Variants in ACTA2 observed in about 807,000 individuals in gnomAD.
ACTA2 encodes the protein actin alpha 2, smooth muscle, also known as actin, aortic smooth muscle.
In ACTA2, 12 loss-of-function variants were observed where a neutral mutation model predicts 39.5. The observed-to-expected ratio is 0.30, with a 90% CI of 0.19 to 0.49. The LOEUF (loss-of-function observed/expected upper bound fraction) is 0.49, where lower values mean the gene tolerates loss of function less well. Among genes scored for constraint, ACTA2 ranks in the 20% least tolerant of loss-of-function variants. The probability of loss-of-function intolerance (pLI) is 0.99; values close to 1 mark genes in which losing one functional copy is unlikely to be tolerated. For missense variants in ACTA2, 236 were observed against 498.8 expected (o/e 0.47, Z 5.02); for synonymous variants, 158 against 180.6 (o/e 0.88, Z 1.00).
intron 1 of ACTA2, among the ~76,000 whole-genome samples, chr10:88,987,836 T>C (rs982629745): frequency 1.3e-5 from 2 of 152,252 alleles, no homozygotes; most frequent in African/African-American, 4.8e-5. Flanking sequence ...TAGATGTTTC[T>C]GTAAAGCAAT....
intron 8 of ACTA2, chr10:88,935,667 A>C (rs945261342): frequency 5.5e-6 from 2 of 365,392 alleles, no homozygotes; most frequent in Non-Finnish European, 1.1e-5. Context: ...CCCCCACTTA[A>C]GAACCCTGGC....
intron 7 of ACTA2, 186 bp from the exon 8 acceptor site, chr10:88,938,428 T>TC: frequency 1.5e-6 from 1 of 653,632 alleles, no homozygotes; most frequent in Non-Finnish European, 2.7e-6. Flanking sequence ...CTGCCTGCCT[T>TC]CTAATGAGGA....
At chr10:88,936,595 T>TTGCCATGTGAGGTGTCTGCCCCTGCTTC (rs1845744421) in intron 8 of ACTA2, among the ~76,000 whole-genome samples, 16 of 138,542 alleles carry the variant, frequency 1.2e-4, no homozygotes, top group Non-Finnish European at 6.3e-5. Flanking sequence ...GCCCCTGCTT[T>TTGCCATGTGAGGTGTCTGCCCCTGCTTC]TGCCATGTGA....
At chr10:88,943,740 T>C (rs1198446458) in intron 4 of ACTA2, 57 bp downstream of exon 4, 1 of 1,458,638 alleles carries the variant, frequency 6.9e-7, no homozygotes, top group Middle Eastern at 1.7e-4. Flanking sequence ...CATAGCCTCC[T>C]TCTAACAGAA....
intron 1 of ACTA2, among the ~76,000 whole-genome samples, chr10:88,961,257 G>A (rs1378873424): frequency 6.6e-6 from 1 of 152,210 alleles, no homozygotes; most frequent in African/African-American, 2.4e-5. Flanking sequence ...TAGCAACACA[G>A]AGGACAGATT....
rs952092437 is a variant in ACTA2, at chr10:88,990,374, T to C, written c.-24+565A>G. On this transcript the variant is annotated intron_variant, in intron 1 of 4. Coordinates refer to the ACTA2 transcript ENST00000415557. The surrounding 1 kb of genome is among the most constrained non-coding windows in gnomAD (Gnocchi z 4.9). ...TTCAAGACCTCCCCAACTTCCCAGG[T>C]TGAACTACAGCAGAAGCCTTTAGAA... Among the ~76,000 whole-genome samples the C allele has an allele frequency of 1.3e-5, 2 of 152,082 alleles. No homozygotes were observed. Among genetic ancestry groups the C allele is most frequent in the African/African-American group, 2.4e-5 (1 of 41,420 alleles).
At chr10:88,941,193 T>C (rs1845840954) in intron 6 of ACTA2, 36 bp downstream of exon 6, 2 of 1,612,882 alleles carry the variant, frequency 1.2e-6, no homozygotes, top group East Asian at 2.2e-5. Flanking sequence ...AGCAACACAC[T>C]GCTCCCCTCT....
chr10:88,964,212 T>C (rs985671066), intron 1 of ACTA2, among the ~76,000 whole-genome samples: 2 of 152,260 alleles, frequency 1.3e-5, no homozygotes, highest in Middle Eastern at 3.4e-3. Context: ...CGAATTCTTA[T>C]CTGGAACCCC....
At chr10:88,955,034 G>A (rs7095848), upstream of ACTA2, among the ~76,000 whole-genome samples, 77,699 of 136,330 alleles carry the variant, frequency 0.57, 22,953 homozygotes, top group East Asian at 0.88. Flanking sequence ...AAAAAAAAAA[G>A]AAGAAGAAGG....
intron 2 of ACTA2, among the ~76,000 whole-genome samples, chr10:88,948,091 C>T (rs376334274): frequency 6.6e-6 from 1 of 152,108 alleles, no homozygotes; most frequent in Non-Finnish European, 1.5e-5. Context: ...CATAAAATAG[C>T]GGCTTGTGCA....
rs375741716 is a variant in ACTA2, at chr10:88,958,878, C to T, written c.-23-9925G>A. ...CTCGGGGGGAAGGGAGGATATGAGA[C>T]TTTCAGTGCCTTAAAAGTCCCAGGA... is the stretch of plus-strand genomic sequence containing the variant. On this transcript the variant is annotated intron_variant, in intron 1 of 4. Transcript: ENST00000415557. 4.2e-4 allele frequency among the ~76,000 whole-genome samples: 64 copies of T among 152,214 alleles called. 1 individual carries two copies. The South Asian group carries it at 0.011, about 26-fold the overall frequency.
intron 1 of ACTA2, among the ~76,000 whole-genome samples, chr10:88,976,757 AT>A (rs1333467490): frequency 1.3e-5 from 2 of 152,246 alleles, no homozygotes; most frequent in African/African-American, 4.8e-5. Context: ...GTTGAACAGA[AT>A]TTCTTGAAAG....
chr10:88,941,916 CA>C (rs1246665558), intron 4 of ACTA2, 47 bp from the exon 5 acceptor site: 1 of 1,547,792 alleles, frequency 6.5e-7, no homozygotes, highest in Admixed American at 1.8e-5. Flanking sequence ...GCCCATCTGA[CA>C]AAGAATGGTC....
chr10:88,948,591 G>A (rs1185621093), intron 2 of ACTA2: 2 of 588,884 alleles, frequency 3.4e-6, no homozygotes, highest in South Asian at 1.9e-5. Flanking sequence ...TGAAAAAGGG[G>A]CAGACTTTGT....
At chr10:88,981,102 C>T (rs1344006760) in intron 1 of ACTA2, among the ~76,000 whole-genome samples, 3 of 152,160 alleles carry the variant, frequency 2.0e-5, no homozygotes, top group African/African-American at 7.2e-5. Flanking sequence ...AAAGGGCAGG[C>T]CCAGCAATAT....
chr10:88,973,430 T>C (rs1846494169), intron 1 of ACTA2: 1 of 1,141,998 alleles, frequency 8.8e-7, no homozygotes, highest in African/African-American at 1.6e-5. Context: ...TGTTAGCCAT[T>C]ATCTCTGCCT....
upstream of ACTA2, among the ~76,000 whole-genome samples, chr10:88,952,945 C>T (rs918888560): frequency 6.6e-6 from 1 of 152,278 alleles, no homozygotes. Flanking sequence ...TGGGTCTCTT[C>T]CACTGCATTC....
At chr10:88,943,715 C>T (rs1845897008) in intron 4 of ACTA2, 82 bp downstream of exon 4, 3 of 1,204,984 alleles carry the variant, frequency 2.5e-6, no homozygotes, top group Non-Finnish European at 3.7e-6. Context: ...CTCCGGCCTT[C>T]TCTCTGCTGT....
intron 1 of ACTA2, chr10:88,973,554 G>A (rs1846496635): frequency 2.8e-6 from 1 of 350,924 alleles, no homozygotes; most frequent in South Asian, 1.0e-4. Context: ...GCAATGTTGT[G>A]TTTGTCACCA....
Sources: allele counts gnomAD v4.1 joint callset (sites outside exome capture counted in the v4.1 genomes callset), GRCh38; gene constraint gnomAD v4.1.1; non-coding constraint Gnocchi (gnomAD v3.1); transcripts MANE v1.5; gene names NCBI Gene and HGNC (gene_info 2026-07-23, HGNC 2026-07-21).